Variants in DBX2 observed in about 807,000 individuals in gnomAD.
DBX2 encodes the protein developing brain homeobox 2.
In DBX2, 16 loss-of-function variants were observed where a neutral mutation model predicts 17.7. The ratio of observed to expected loss-of-function variants is 0.90; its 90% CI spans 0.61 to 1.37. The LOEUF (loss-of-function observed/expected upper bound fraction) is 1.37, where lower values mean the gene tolerates loss of function less well. Ranked by LOEUF, DBX2 falls within the 40% of genes most tolerant of loss-of-function variation. The pLI is 0.00. For synonymous variants in DBX2, 255 were observed against 183.8 expected (o/e 1.39, Z -3.13); for missense variants, 538 against 433.8 (o/e 1.24, Z -2.13).
chr12:45,049,516 A>G lies in DBX2; in HGVS notation c.403+1009T>C, dbSNP rs145757528. Among the ~76,000 whole-genome samples the G allele has an allele frequency of 5.3e-3, 802 of 152,344 alleles. 7 individuals carry two copies. The highest frequency in any genetic ancestry group is 0.018 in the African/African-American group (752 of 41,574). On this transcript the variant is annotated intron_variant, in intron 1 of 3. Transcript: ENST00000332700. The stretch of plus-strand genomic sequence containing the variant: ...TGAAAGACCAAGACAGGTTCTAAAC[A>G]TGTTAAATTCTATAAAGCCATTAGC...
In DBX2 at chr12:45,016,299, G is replaced by A; in HGVS notation, c.1007C>T (p.Thr336Ile). 3 of 1,571,364 alleles carry A rather than the reference G, an allele frequency of 1.9e-6. No individual in the cohort carries two copies. The highest frequency in any genetic ancestry group is 1.4e-5 in the African/African-American group (1 of 73,382). ...EEEAGSKGVL[T>I]GAV ...GAATGCTTCCATTCAGACAGCCCCA[G>A]TAAGTACACCCTTGCTTCCAGCTTC... is the stretch of plus-strand genomic sequence containing the variant. The change falls in exon 4 of 4, where the codon ACT becomes ATT. Residue 336 changes from threonine (T) to isoleucine (I), a missense_variant. Transcript: ENST00000332700.
chr12:45,045,225 T>C (rs1946493386), intron 1 of DBX2, among the ~76,000 whole-genome samples: 1 of 152,280 alleles, frequency 6.6e-6, no homozygotes, highest in African/African-American at 2.4e-5. Context: ...TTTCATTGTA[T>C]ATATAAAGAA....
Position 45,050,920 on chromosome 12 carries a change from G to T in DBX2, c.8C>A (p.Pro3His), listed in dbSNP as rs901623637. The change falls in exon 1 of 4, where the codon CCC becomes CAC. Residue 3 changes from proline (P) to histidine (H), a missense_variant. Physicochemically the swap from Pro to His is moderately conservative, Grantham distance 77. Transcript: ENST00000332700. MLPSAVAAHAGAY... is the reference protein window; with the variant it reads MLHSAVAAHAGAY... ...ACCGGCGTGGGCTGCGACCGCGCTG[G>T]GGAGCATAGTGCGGCGCCAACCGGT... is the stretch of plus-strand genomic sequence containing the variant. 2.0e-6 allele frequency: 3 copies of T among 1,492,300 alleles called. No individual in the cohort carries two copies. The highest frequency in any genetic ancestry group is 1.4e-5 in the African/African-American group (1 of 69,232). The allele number at this position is 1,492,300 out of a possible 1,614,324, so 92.4% of individuals were successfully genotyped here. A position where few individuals can be genotyped will look rare whatever the true frequency, so the allele number is the denominator to read the frequency against.
intron 2 of DBX2, among the ~76,000 whole-genome samples, chr12:45,033,974 A>G (rs1373298440): frequency 3.9e-5 from 6 of 152,170 alleles, no homozygotes; most frequent in Non-Finnish European, 8.8e-5. Flanking sequence ...GAGAAGATAA[A>G]GTCATCTAGA....
chr12:45,033,714 T>C (rs1043038659), intron 2 of DBX2, among the ~76,000 whole-genome samples: 17 of 152,178 alleles, frequency 1.1e-4, no homozygotes, highest in African/African-American at 3.6e-4. Context: ...GTGGGATCTC[T>C]AAACTGTTTT....
chr12:45,049,783 G>A (rs1050410790), intron 1 of DBX2, among the ~76,000 whole-genome samples: 2 of 151,936 alleles, frequency 1.3e-5, no homozygotes, highest in African/African-American at 2.4e-5. Flanking sequence ...CTAAATTGTC[G>A]GCATCCTTCT....
chr12:45,020,247 A>G (rs1361713550), intron 3 of DBX2, among the ~76,000 whole-genome samples: 1 of 152,122 alleles, frequency 6.6e-6, no homozygotes, highest in East Asian at 1.9e-4. Flanking sequence ...CTGTCTGTAT[A>G]GATTTCCCCA....
intron 1 of DBX2, among the ~76,000 whole-genome samples, chr12:45,041,860 G>A (rs1946473225): frequency 6.6e-6 from 1 of 152,150 alleles, no homozygotes. Context: ...ACAGATTTGA[G>A]TCTGCTGGTT....
chr12:45,029,911 T>TAAAA (rs1555141825), intron 2 of DBX2, among the ~76,000 whole-genome samples: 1 of 144,332 alleles, frequency 6.9e-6, no homozygotes, highest in Non-Finnish European at 1.5e-5. Context: ...AATAAATAAA[T>TAAAA]AAAAATAAAG....
intron 2 of DBX2, among the ~76,000 whole-genome samples, chr12:45,027,749 T>C (rs1289518460): frequency 6.6e-6 from 1 of 152,252 alleles, no homozygotes; most frequent in African/African-American, 2.4e-5. Context: ...GTCTCCACTG[T>C]CCATGTTTTA....
At chr12:45,035,676 G>A (rs1342901884) in intron 2 of DBX2, among the ~76,000 whole-genome samples, 1 of 151,904 alleles carries the variant, frequency 6.6e-6, no homozygotes, top group East Asian at 1.9e-4. Flanking sequence ...ACAATTTTTC[G>A]CCTTCCTTCC....
chr12:45,016,318 C>T lies in DBX2; in HGVS notation c.988G>A (p.Gly330Arg). The T allele has an allele frequency of 6.3e-7, 1 of 1,594,494 alleles. No individual in the cohort carries two copies. Among genetic ancestry groups the T allele is most frequent in the Non-Finnish European group, 8.5e-7 (1 of 1,171,820 alleles). The change falls in exon 4 of 4, where the codon GGA becomes AGA. Residue 330 changes from glycine to arginine, a missense_variant. Coordinates refer to ENST00000332700, the MANE Select transcript of DBX2 (RefSeq NM_001004329.3). ...ALYLCSEEEA[G>R]SKGVLTGAV ...GCCCCAGTAAGTACACCCTTGCTTCCAGCTTCTTCTTCAGAACATAAATAT... is the reference window on the plus strand; with the variant it reads ...GCCCCAGTAAGTACACCCTTGCTTCTAGCTTCTTCTTCAGAACATAAATAT...
intron 1 of DBX2, among the ~76,000 whole-genome samples, chr12:45,041,827 T>C (rs1278496225): frequency 6.6e-6 from 1 of 152,258 alleles, no homozygotes; most frequent in East Asian, 1.9e-4. Context: ...GAATAATTTA[T>C]ATTTTTTAAT....
Position 45,026,997 on chromosome 12 carries a change from A to C in DBX2, c.500-3103T>G, listed in dbSNP as rs540962365. On this transcript the variant is annotated intron_variant, in intron 2 of 3. Coordinates refer to ENST00000332700, the MANE Select transcript of DBX2 (RefSeq NM_001004329.3). Reference sequence around the variant, plus strand: ...ACTATTCTTTATCAGGGATTTAAGCAGTTTTATGAAATATTGGTCAATAAT... The same window carrying C: ...ACTATTCTTTATCAGGGATTTAAGCCGTTTTATGAAATATTGGTCAATAAT... Among the ~76,000 whole-genome samples the C allele has an allele frequency of 6.0e-3, 913 of 152,336 alleles. 12 individuals are homozygous for C. Among genetic ancestry groups the C allele is most frequent in the African/African-American group, 0.021 (859 of 41,568 alleles).
At chr12:45,047,254 A>G (rs546436721) in intron 1 of DBX2, among the ~76,000 whole-genome samples, 1 of 152,288 alleles carries the variant, frequency 6.6e-6, no homozygotes, top group South Asian at 2.1e-4. Context: ...GGCATCAGGA[A>G]ACTTCTGAGG....
chr12:45,040,364 A>AT (rs1361026084), intron 1 of DBX2, among the ~76,000 whole-genome samples: 1 of 151,984 alleles, frequency 6.6e-6, no homozygotes, highest in Admixed American at 6.6e-5. Context: ...AATAGTTAAT[A>AT]AACTCCCCTT....
At chr12:45,027,298 C>T (rs1432076047) in intron 2 of DBX2, among the ~76,000 whole-genome samples, 5 of 152,142 alleles carry the variant, frequency 3.3e-5, no homozygotes, top group African/African-American at 1.2e-4. Flanking sequence ...ACAGATATCC[C>T]TCACTATAGA....
At position 45,015,524 on chromosome 12, in the gene DBX2, C is replaced by T. The variant is rs1159953104; in HGVS notation, c.*762G>A. The T allele has an allele frequency of 6.6e-6, 1 of 152,152 alleles. No homozygotes were observed. The highest frequency in any genetic ancestry group is 1.9e-4 in the East Asian group (1 of 5,198). 9.4% of individuals were successfully genotyped at this position (152,152 alleles called of 1,614,324 possible). On this transcript the variant is annotated 3_prime_UTR_variant, in exon 4 of 4. Transcript: ENST00000332700. ...TCTTAAAGGCATTTTATTTTGCAAA[C>T]CCTGGTCTAGGCCCATCTTTACAGA...
chr12:45,036,771 A>G lies in DBX2; in HGVS notation c.404-657T>C, dbSNP rs185856046. Among the ~76,000 whole-genome samples, 96 of 152,348 alleles carry G rather than the reference A, an allele frequency of 6.3e-4. 1 individual carries two copies. The highest frequency in any genetic ancestry group is 6.8e-3 in the Middle Eastern group (2 of 294). ...AACAGTAAATTTACTGAGCAATTCC[A>G]TAACAAAAAGTGGTGTTTCTGATCA... On this transcript the variant is annotated intron_variant, in intron 1 of 3. Coordinates refer to ENST00000332700, the MANE Select transcript of DBX2 (RefSeq NM_001004329.3).
Sources: gnomAD v4.1 joint callset for allele counts (sites outside exome capture counted in the v4.1 genomes callset) on GRCh38, gnomAD v4.1.1 for gene constraint, MANE v1.5 for transcripts, NCBI Gene and HGNC (gene_info 2026-07-23, HGNC 2026-07-21) for gene names.